EFCAB6: variants seen among roughly 807,000 people sequenced by gnomAD.
EFCAB6 encodes EF-hand calcium binding domain 6.
Under a neutral mutation model 169.8 loss-of-function variants are expected in EFCAB6, and 156 were observed. The ratio of observed to expected loss-of-function variants is 0.92; its 90% confidence interval spans 0.81 to 1.05. The LOEUF is 1.05. Ranked by LOEUF, EFCAB6 falls within the 50% of genes least tolerant of loss-of-function variation. The pLI is 0.00. For missense variants in EFCAB6, 1,800 were observed against 1,829.1 expected, an observed-to-expected ratio of 0.98 and a Z score of 0.29; for synonymous variants, 698 against 676.4, an observed-to-expected ratio of 1.03 and a Z score of -0.50.
In EFCAB6 at chr22:43,576,436, A is replaced by T. The variant is rs765447639; in HGVS notation, c.3281T>A (p.Phe1094Tyr). Reference protein sequence around the residue: ...EDTGFVKATEFGQVLKDFCYK... With the variant: ...EDTGFVKATEYGQVLKDFCYK... ...ACAGAAATCCTTAAGAACTTGTCCG[A>T]ATTCTGTAGCCTTTACAAATCCTGT... is the stretch of plus-strand genomic sequence containing the variant. The change falls in exon 26 of 32, where the codon TTC (phenylalanine) becomes TAC (tyrosine). Residue 1094 changes from phenylalanine (F) to tyrosine (Y), a missense_variant. Physicochemically the swap from Phe to Tyr is conservative, Grantham distance 22. Coordinates refer to ENST00000262726, the MANE Select transcript of EFCAB6 (RefSeq NM_022785.4). The T allele has an allele frequency of 6.3e-7, 1 of 1,599,306 alleles. No individual in the cohort carries two copies. The highest frequency in any genetic ancestry group is 8.5e-7 in the Non-Finnish European group (1 of 1,175,908).
intron 30 of EFCAB6, among the ~76,000 whole-genome samples, chr22:43,531,465 A>G (rs2047065024): frequency 6.6e-6 from 1 of 152,226 alleles, no homozygotes; most frequent in Non-Finnish European, 1.5e-5. Context: ...CAAGGTTGTA[A>G]TTATATCTAG....
At position 43,537,659 on chromosome 22, in the gene EFCAB6, C is replaced by T; in HGVS notation, c.3880-114G>A. On this transcript the variant is annotated intron_variant, in intron 28 of 31. Coordinates refer to ENST00000262726, the MANE Select transcript of EFCAB6 (RefSeq NM_022785.4). The surrounding 1 kb of genome is among the most constrained non-coding windows in gnomAD (Gnocchi z 4.3). The stretch of plus-strand genomic sequence containing the variant: ...TCACAATTTTAGAGGCAGAATTAGC[C>T]CAGAAATAAAATGAAGAATAAAACA... 8.2e-7 allele frequency: 1 copy of T among 1,216,700 alleles called. No homozygotes were observed. 75.4% of individuals were successfully genotyped at this position (1,216,700 alleles called of 1,614,324 possible). A position where few individuals can be genotyped will look rare whatever the true frequency, so the allele number is the denominator to read the frequency against.
At chr22:43,679,856 A>G (rs529684059) in intron 12 of EFCAB6, among the ~76,000 whole-genome samples, 1 of 152,250 alleles carries the variant, frequency 6.6e-6, no homozygotes, top group Admixed American at 6.5e-5. Context: ...TTGAGTTGTA[A>G]AAGTACTTGT....
At chr22:43,671,916 A>G (rs2057508284) in intron 15 of EFCAB6, 57 bp downstream of exon 15, 2 of 1,569,798 alleles carry the variant, frequency 1.3e-6, no homozygotes, top group Non-Finnish European at 1.7e-6. Flanking sequence ...GTTTAGAATT[A>G]TGGAACAGGC....
At chr22:43,562,555 A>G (rs1470437586) in intron 26 of EFCAB6, among the ~76,000 whole-genome samples, 60 of 114,984 alleles carry the variant, frequency 5.2e-4, no homozygotes, top group African/African-American at 1.8e-3. Flanking sequence ...GAGGCAGCCC[A>G]GTCAGAGGTG....
rs150878253 is a variant in EFCAB6 at position 43,735,612 on chromosome 22, G to C, written c.644+245C>G. On this transcript the variant is annotated intron_variant, in intron 7 of 31. Coordinates refer to ENST00000262726, the MANE Select transcript of EFCAB6 (RefSeq NM_022785.4). ...ATAACCTGGATGTGTTCAGAGCTGCGGGCCAGAGGACGGACCCCAAGGGTG... is the reference window on the plus strand; with the variant it reads ...ATAACCTGGATGTGTTCAGAGCTGCCGGCCAGAGGACGGACCCCAAGGGTG... Among the ~76,000 whole-genome samples the C allele has an allele frequency of 3.9e-4, 60 of 152,278 alleles. No homozygotes were observed. The Middle Eastern group carries it at 0.02, about 52-fold the overall frequency.
At chr22:43,792,982 G>A (rs1437769465) in intron 2 of EFCAB6, among the ~76,000 whole-genome samples, 1 of 152,172 alleles carries the variant, frequency 6.6e-6, no homozygotes, top group African/African-American at 2.4e-5. Context: ...TGCAGTGATT[G>A]CTGATGCACA....
intron 6 of EFCAB6, among the ~76,000 whole-genome samples, chr22:43,745,885 T>A (rs2060544274): frequency 6.6e-6 from 1 of 152,178 alleles, no homozygotes; most frequent in African/African-American, 2.4e-5. Flanking sequence ...CAGGACTAAA[T>A]GAACTGGAAC....
intron 17 of EFCAB6, among the ~76,000 whole-genome samples, chr22:43,650,140 G>A (rs1464332896): frequency 6.6e-6 from 1 of 152,138 alleles, no homozygotes; most frequent in Non-Finnish European, 1.5e-5. Context: ...TGGAGTTCAG[G>A]ACCTCCTGGA....
At chr22:43,753,100 A>G (rs1272269828) in intron 6 of EFCAB6, among the ~76,000 whole-genome samples, 1 of 152,056 alleles carries the variant, frequency 6.6e-6, no homozygotes, top group African/African-American at 2.4e-5. Context: ...CAAATGAGAA[A>G]CCATCCACGG....
chr22:43,755,947 G>T, intron 5 of EFCAB6, 115 bp from the exon 6 acceptor site: 1 of 1,049,520 alleles, frequency 9.5e-7, no homozygotes, highest in Non-Finnish European at 1.3e-6. Flanking sequence ...TAAAATGCAA[G>T]GTATTTCTTA....
chr22:43,590,635 G>A (rs5764627), intron 23 of EFCAB6, among the ~76,000 whole-genome samples: 111,570 of 151,792 alleles, frequency 0.74, 41,136 homozygotes, highest in Admixed American at 0.8. Flanking sequence ...GGACATGTCT[G>A]GTGAATCAAA....
intron 4 of EFCAB6, among the ~76,000 whole-genome samples, chr22:43,772,136 C>T (rs996721200): frequency 6.6e-6 from 1 of 152,178 alleles, no homozygotes; most frequent in African/African-American, 2.4e-5. Flanking sequence ...GCCCCTCTCC[C>T]AGCACTTGCC....
intron 10 of EFCAB6, among the ~76,000 whole-genome samples, chr22:43,696,923 T>A (rs970282630): frequency 6.6e-6 from 1 of 152,176 alleles, no homozygotes; most frequent in Non-Finnish European, 1.5e-5. Context: ...CACTTAAAAA[T>A]GAATTTATAA....
At chr22:43,668,528 GT>G (rs2057357450) in intron 16 of EFCAB6, among the ~76,000 whole-genome samples, 1 of 152,290 alleles carries the variant, frequency 6.6e-6, no homozygotes, top group East Asian at 1.9e-4. Context: ...CTGGAAGAGA[GT>G]AAATGTGAAT....
At chr22:43,554,673 T>C in intron 27 of EFCAB6, 196 bp downstream of exon 27, 1 of 599,798 alleles carries the variant, frequency 1.7e-6, no homozygotes, top group South Asian at 2.1e-5. Context: ...TGTACCCTGA[T>C]GAAAATGGTG....
At chr22:43,651,685 C>T (rs571572942) in intron 17 of EFCAB6, among the ~76,000 whole-genome samples, 6 of 152,312 alleles carry the variant, frequency 3.9e-5, no homozygotes, top group South Asian at 2.1e-4. Flanking sequence ...TGAAAGCAGC[C>T]GGGAGGGAGG....
intron 6 of EFCAB6, among the ~76,000 whole-genome samples, chr22:43,736,775 C>T (rs989276898): frequency 6.6e-6 from 1 of 152,054 alleles, no homozygotes; most frequent in Admixed American, 6.6e-5. Context: ...AAGGAGGTAC[C>T]ATTTCCCCAG....
intron 6 of EFCAB6, among the ~76,000 whole-genome samples, chr22:43,738,908 C>G (rs150019071): frequency 6.6e-6 from 1 of 152,196 alleles, no homozygotes; most frequent in Non-Finnish European, 1.5e-5. Flanking sequence ...AAGGGATGAA[C>G]CTCCGTGATC....
Sources: gnomAD v4.1 joint callset for allele counts (sites outside exome capture counted in the v4.1 genomes callset) on GRCh38, gnomAD v4.1.1 for gene constraint, Gnocchi (gnomAD v3.1) non-coding constraint, MANE v1.5 for transcripts, NCBI Gene and HGNC (gene_info 2026-07-23, HGNC 2026-07-21) for gene names.